Variants in PRKD1 observed in about 807,000 individuals in gnomAD.
PRKD1 encodes protein kinase D1, also known as serine/threonine-protein kinase D1.
PRKD1 carries 63 observed loss-of-function variants against 95.9 expected under a neutral mutation model. The observed-to-expected ratio is 0.66, with a 90% CI of 0.54 to 0.81. The LOEUF (loss-of-function observed/expected upper bound fraction) is 0.81, where lower values mean the gene tolerates loss of function less well. PRKD1 is among the 30% of genes least tolerant of loss of function. PRKD1 has a pLI of 0.00. For missense variants in PRKD1, 1,048 were observed against 1,165.3 expected, an observed-to-expected ratio of 0.90 and a Z score of 1.47; for synonymous variants, 425 against 423.1, an observed-to-expected ratio of 1.00 and a Z score of -0.05.
At chr14:29,662,232 T>A (rs1221364274) in intron 4 of PRKD1, among the ~76,000 whole-genome samples, 2 of 152,156 alleles carry the variant, frequency 1.3e-5, no homozygotes, top group Non-Finnish European at 2.9e-5. Flanking sequence ...GTCTATCTTA[T>A]AAACATCATG....
At chr14:29,785,338 C>T (rs147419712) in intron 1 of PRKD1, among the ~76,000 whole-genome samples, 7 of 152,126 alleles carry the variant, frequency 4.6e-5, no homozygotes, top group Middle Eastern at 3.4e-3. Context: ...ATTGTAAATG[C>T]GTTTGCTTTC....
At chr14:29,891,658 G>GTT (rs373117528) in intron 1 of PRKD1, among the ~76,000 whole-genome samples, 3 of 138,692 alleles carry the variant, frequency 2.2e-5, no homozygotes, top group African/African-American at 7.9e-5. Context: ...AATTTTTGGG[G>GTT]TTTTTTTTTT....
At chr14:29,734,178 G>C (rs1464507149) in intron 1 of PRKD1, among the ~76,000 whole-genome samples, 1 of 151,546 alleles carries the variant, frequency 6.6e-6, no homozygotes, top group Admixed American at 6.6e-5. Context: ...GAGTAGCTGG[G>C]ATTACAGGTG....
rs1369575685 is a variant in PRKD1, at chr14:29,597,451, A to T, written c.2434+40T>A. 4 of 1,474,618 alleles carry T rather than the reference A, an allele frequency of 2.7e-6. No homozygotes were observed. The South Asian group carries it at 5.7e-5, about 21-fold the overall frequency. The allele number at this position is 1,474,618 out of a possible 1,614,324, so 91.3% of individuals were successfully genotyped here. ...ATTTAAATTAATAACATAAACAAAT[A>T]AGGATTAGATTATTATCATTTTTGA... is the stretch of plus-strand genomic sequence containing the variant. On this transcript the variant is annotated intron_variant, in intron 16 of 17. Coordinates refer to ENST00000331968, the MANE Select transcript of PRKD1 (RefSeq NM_002742.3).
intron 2 of PRKD1, among the ~76,000 whole-genome samples, chr14:29,681,438 G>A (rs899570850): frequency 6.7e-5 from 7 of 104,128 alleles, no homozygotes; most frequent in African/African-American, 4.3e-4. Flanking sequence ...TTGCTTCTGA[G>A]TAATCAGTTT....
chr14:29,664,934 T>C (rs1003756644), intron 3 of PRKD1, among the ~76,000 whole-genome samples: 3 of 152,212 alleles, frequency 2.0e-5, no homozygotes, highest in Non-Finnish European at 4.4e-5. Context: ...GTGTATTCAA[T>C]GTCTACTATT....
intron 1 of PRKD1, among the ~76,000 whole-genome samples, chr14:29,748,873 G>A (rs552790568): frequency 6.6e-6 from 1 of 152,266 alleles, no homozygotes; most frequent in East Asian, 1.9e-4. Context: ...GTAAATGAGA[G>A]AGTGGTGAAA....
At chr14:29,704,837 A>T (rs1885001345) in intron 2 of PRKD1, among the ~76,000 whole-genome samples, 1 of 152,214 alleles carries the variant, frequency 6.6e-6, no homozygotes, top group Non-Finnish European at 1.5e-5. Flanking sequence ...ATAAGTTGAA[A>T]GAACAGACGC....
intron 2 of PRKD1, among the ~76,000 whole-genome samples, chr14:29,669,017 T>G (rs1313584350): frequency 7.4e-6 from 1 of 135,016 alleles, no homozygotes; most frequent in Non-Finnish European, 1.7e-5. Flanking sequence ...TTTTGACTAT[T>G]TAAACACTAT....
At chr14:29,901,220 G>A (rs563717322) in intron 1 of PRKD1, among the ~76,000 whole-genome samples, 1 of 152,224 alleles carries the variant, frequency 6.6e-6, no homozygotes, top group South Asian at 2.1e-4. Flanking sequence ...AATTATCCTA[G>A]GCAAATTAAT....
chr14:29,681,795 C>T (rs536439865), intron 2 of PRKD1, among the ~76,000 whole-genome samples: 3 of 152,314 alleles, frequency 2.0e-5, no homozygotes, highest in Admixed American at 2.0e-4. Context: ...AAACCAAGCT[C>T]ACTCTCATGG....
chr14:29,663,674 G>C (rs2333616), intron 4 of PRKD1, 25 bp downstream of exon 4: 1 of 1,608,080 alleles, frequency 6.2e-7, no homozygotes, highest in Non-Finnish European at 8.5e-7. Flanking sequence ...TGTAAATGGG[G>C]AAGTGGGTAA....
At chr14:29,773,091 A>C (rs530079776) in intron 1 of PRKD1, among the ~76,000 whole-genome samples, 2 of 152,342 alleles carry the variant, frequency 1.3e-5, no homozygotes, top group South Asian at 4.1e-4. Flanking sequence ...GATCAGTAAC[A>C]AACTGAGATA....
At chr14:29,801,159 T>C (rs1890011458) in intron 1 of PRKD1, among the ~76,000 whole-genome samples, 1 of 152,098 alleles carries the variant, frequency 6.6e-6, no homozygotes, top group Non-Finnish European at 1.5e-5. Flanking sequence ...GCAAGCTAGC[T>C]AGAAACTCAG....
chr14:29,862,367 C>T (rs903076776), intron 1 of PRKD1, among the ~76,000 whole-genome samples: 6 of 152,054 alleles, frequency 3.9e-5, no homozygotes, highest in Non-Finnish European at 7.4e-5. Flanking sequence ...ATTTCCTTTT[C>T]GGGGAGGGGG....
At chr14:29,705,653 C>T (rs756529041) in intron 2 of PRKD1, among the ~76,000 whole-genome samples, 17 of 152,006 alleles carry the variant, frequency 1.1e-4, no homozygotes, top group Non-Finnish European at 1.2e-4. Flanking sequence ...TCCCTCAAGC[C>T]TATGGCAACC....
At position 29,666,167 on chromosome 14, in the gene PRKD1, G is replaced by C. The variant is rs1168333527; in HGVS notation, c.445C>G (p.Leu149Val). The C allele has an allele frequency of 2.5e-6, 4 of 1,606,876 alleles. No individual in the cohort carries two copies. The African/African-American group carries it at 4.0e-5, about 16-fold the overall frequency. Residue 149 changes from leucine (L) to valine (V), a missense_variant, in exon 3 of 18, where the codon CTC becomes GTC. Around this residue, in one of 3 missense-constraint regions of PRKD1, gnomAD observed 275 missense variants for 248.6 expected, o/e 1.11. Coordinates refer to ENST00000331968, the MANE Select transcript of PRKD1 (RefSeq NM_002742.3). ...GGAGCTCTGTATGAATGAACAAAGA[G>C]AGCGTGGGGACGAATCTGAAAGTCT... ...FEDFQIRPHA[L>V]FVHSYRAPAF...
chr14:29,927,641 GA>G lies in PRKD1; in HGVS notation c.-130del. On this transcript the variant is annotated 5_prime_UTR_variant, in exon 1 of 18. Transcript: ENST00000331968. ...CCAGACGGAAAATAAAAACTTTCCG[GA>G]AAAGTCCCTGGGCTGGGGGAGGGCA... is the stretch of plus-strand genomic sequence containing the variant. 1 of 664,778 alleles carries G rather than the reference GA, an allele frequency of 1.5e-6. No homozygotes were observed. The highest frequency in any genetic ancestry group is 1.9e-6 in the Non-Finnish European group (1 of 533,652). 41.2% of individuals were successfully genotyped at this position (664,778 alleles called of 1,614,324 possible).
intron 2 of PRKD1, among the ~76,000 whole-genome samples, chr14:29,696,724 C>A (rs186436388): frequency 1.4e-3 from 207 of 152,272 alleles, no homozygotes; most frequent in African/African-American, 4.8e-3. Context: ...ATTACTTCAA[C>A]AATTCTGCTT....
Sources: allele counts gnomAD v4.1 joint callset (sites outside exome capture counted in the v4.1 genomes callset), GRCh38; gene constraint gnomAD v4.1.1; regional missense constraint gnomAD v4.1.1; transcripts MANE v1.5; gene names NCBI Gene and HGNC (gene_info 2026-07-23, HGNC 2026-07-21).